SLURP1: variants seen among roughly 807,000 people sequenced by gnomAD.
SLURP1 encodes secreted Ly-6/uPAR-related protein 1.
In SLURP1, 2 loss-of-function variants were observed where a neutral mutation model predicts 7.9. That is an observed-to-expected ratio of 0.25 (90% confidence interval 0.10 to 0.79). SLURP1 has a LOEUF of 0.79. Among genes scored for constraint, SLURP1 ranks in the 30% least tolerant of loss-of-function variants. The probability of loss-of-function intolerance (pLI) is 0.69; values close to 1 mark genes in which losing one functional copy is unlikely to be tolerated. For synonymous variants in SLURP1, 59 were observed against 54.9 expected (o/e 1.07, Z -0.33); for missense variants, 111 against 139.8 (o/e 0.79, Z 1.04).
rs1310002773 is a variant in SLURP1 at position 142,742,346 on chromosome 8, C to A, written c.40G>T (p.Ala14Ser). 3 of 1,613,008 alleles carry A rather than the reference C, an allele frequency of 1.9e-6. No homozygotes were observed. The highest frequency in any genetic ancestry group is 2.2e-5 in the East Asian group (1 of 44,886). ...RWAVQLLLVAAWSMGCGEALK... is the reference protein window; with the variant it reads ...RWAVQLLLVASWSMGCGEALK... The stretch of plus-strand genomic sequence containing the variant: ...CACTCACCACAGCCCATGCTCCAGG[C>A]TGCCACGAGCAGCAGCTGCACAGCC... The change falls in exon 1 of 3, where the codon GCC becomes TCC. Residue 14 changes from alanine to serine, a missense_variant. Physicochemically the swap from Ala to Ser is moderately conservative, Grantham distance 99. Transcript: ENST00000246515.
chr8:142,741,300 A>G lies in SLURP1; in HGVS notation c.179-24T>C. 1 of 1,567,680 alleles carries G rather than the reference A, an allele frequency of 6.4e-7. No homozygotes were observed. The highest frequency in any genetic ancestry group is 1.1e-5 in the South Asian group (1 of 87,058). ...CTCTGCAGGGTGGGCCAGTGTCAGA[A>G]CCCTCACTCCCCTGCAGCGCCTGCC... On this transcript the variant is annotated intron_variant, in intron 2 of 2. Transcript: ENST00000246515. The surrounding 1 kb of genome is among the most constrained non-coding windows in gnomAD (Gnocchi z 4.3).
rs768062971 is a variant in SLURP1, at chr8:142,741,105, G to A, written c.*38C>T. ...TGGAGCCAGGCCCCGTCAGAGAGGA[G>A]GTGCCTGAGGAGCACCTTCCGCCCT... On this transcript the variant is annotated 3_prime_UTR_variant, in exon 3 of 3. Coordinates refer to ENST00000246515, the MANE Select transcript of SLURP1 (RefSeq NM_020427.3). The surrounding 1 kb of genome is among the most constrained non-coding windows in gnomAD (Gnocchi z 4.3). 20 of 1,599,586 alleles carry A rather than the reference G, an allele frequency of 1.3e-5. No individual in the cohort carries two copies. Among genetic ancestry groups the A allele is most frequent in the African/African-American group, 2.7e-5 (2 of 74,904 alleles).
intron 1 of SLURP1, among the ~76,000 whole-genome samples, 164 bp downstream of exon 1, chr8:142,742,164 G>A (rs587684847): frequency 3.9e-4 from 59 of 152,276 alleles, no homozygotes; most frequent in Admixed American, 6.5e-4. Flanking sequence ...CCAGGGTGAA[G>A]CTGGGCTCTG....
chr8:142,741,808 T>G lies in SLURP1; in HGVS notation c.173A>C (p.Glu58Ala). ...TACMTTLVTV[E>A]AEYPFNQSPV... ...GCCGTGGGGCCTGGCCTCACCTGCC[T>G]CCACCGTCACCAGCGTGGTCATGCA... Residue 58 changes from glutamate to alanine, a missense_variant, in exon 2 of 3, where the codon GAG (glutamate) becomes GCG (alanine). Physicochemically the swap from Glu to Ala is moderately radical, Grantham distance 107 (BLOSUM62 -1). Coordinates refer to ENST00000246515, the MANE Select transcript of SLURP1 (RefSeq NM_020427.3). The surrounding 1 kb of genome is among the most constrained non-coding windows in gnomAD (Gnocchi z 4.3). 6.2e-7 allele frequency: 1 copy of G among 1,611,914 alleles called. No individual in the cohort carries two copies. Among genetic ancestry groups the G allele is most frequent in the Non-Finnish European group, 8.5e-7 (1 of 1,179,966 alleles).
chr8:142,741,228 G>A lies in SLURP1; in HGVS notation c.227C>T (p.Ser76Phe), dbSNP rs1815862565. 6.2e-7 allele frequency: 1 copy of A among 1,610,112 alleles called. No homozygotes were observed. Among genetic ancestry groups the A allele is most frequent in the Non-Finnish European group, 8.5e-7 (1 of 1,179,756 alleles). The change falls in exon 3 of 3, where the codon TCC (serine) becomes TTC (phenylalanine). Residue 76 changes from serine to phenylalanine, a missense_variant. Coordinates refer to ENST00000246515, the MANE Select transcript of SLURP1 (RefSeq NM_020427.3). This position sits in a 1 kb window ranked among gnomAD's most constrained non-coding sequence, Gnocchi z 4.3. ...SPVVTRSCSS[S>F]CVATDPDSIG... ...GCTGTCGGGGTCGGTGGCCACACAG[G>A]AGCTGGAGCAGGAGCGGGTCACCAC... is the stretch of plus-strand genomic sequence containing the variant.
intron 1 of SLURP1, 112 bp downstream of exon 1, chr8:142,742,216 T>G: frequency 3.3e-6 from 4 of 1,208,002 alleles, no homozygotes; most frequent in Non-Finnish European, 4.8e-6. Flanking sequence ...GTGAGCCTCA[T>G]GGAGGCCTAA....
chr8:142,741,817 A>G lies in SLURP1; in HGVS notation c.164T>C (p.Val55Ala). ...PEDTACMTTLVTVEAEYPFNQ... is the reference protein window; with the variant it reads ...PEDTACMTTLATVEAEYPFNQ... ...CCTGGCCTCACCTGCCTCCACCGTC[A>G]CCAGCGTGGTCATGCAGGCTGTGTC... The change falls in exon 2 of 3, where the codon GTG (valine) becomes GCG (alanine). Residue 55 changes from valine (V) to alanine (A), a missense_variant. By Grantham distance (64) the Val-to-Ala change is moderately conservative. Transcript: ENST00000246515. The surrounding 1 kb of genome is among the most constrained non-coding windows in gnomAD (Gnocchi z 4.3). 1.2e-6 allele frequency: 2 copies of G among 1,612,468 alleles called. No homozygotes were observed. The highest frequency in any genetic ancestry group is 1.7e-6 in the Non-Finnish European group (2 of 1,179,986).
Position 142,741,826 on chromosome 8 carries a change from G to A in SLURP1, c.155C>T (p.Thr52Ile). 1 of 1,612,862 alleles carries A rather than the reference G, an allele frequency of 6.2e-7. No homozygotes were observed. Among genetic ancestry groups the A allele is most frequent in the Non-Finnish European group, 8.5e-7 (1 of 1,180,002 alleles). The stretch of plus-strand genomic sequence containing the variant: ...ACCTGCCTCCACCGTCACCAGCGTG[G>A]TCATGCAGGCTGTGTCCTCTGGCTT... ...RCKPEDTACMTTLVTVEAEYP... is the reference protein window; with the variant it reads ...RCKPEDTACMITLVTVEAEYP... Residue 52 changes from threonine to isoleucine, a missense_variant, in exon 2 of 3, where the codon ACC (threonine) becomes ATC (isoleucine). Thr to Ile is a moderately conservative substitution (Grantham distance 89, BLOSUM62 -1). Transcript: ENST00000246515. This position sits in a 1 kb window ranked among gnomAD's most constrained non-coding sequence, Gnocchi z 4.3.
rs1415913110 is a variant in SLURP1, at chr8:142,740,950, C to G, written c.*193G>C. On this transcript the variant is annotated 3_prime_UTR_variant, in exon 3 of 3. Transcript: ENST00000246515. ...AGGAAGGACAAAAGTCATGTCCACTCTTGGCTTAGTTATGTTTTATAAGCG... is the reference window on the plus strand; with the variant it reads ...AGGAAGGACAAAAGTCATGTCCACTGTTGGCTTAGTTATGTTTTATAAGCG... The G allele has an allele frequency of 6.5e-6, 5 of 770,522 alleles. No individual in the cohort carries two copies. Among genetic ancestry groups the G allele is most frequent in the Non-Finnish European group, 1.1e-5 (5 of 474,160 alleles). The allele number at this position is 770,522 out of a possible 1,614,324, so 47.7% of individuals were successfully genotyped here.
rs374386382 is a variant in SLURP1 at position 142,741,697 on chromosome 8, C to T, written c.178+106G>A. The T allele has an allele frequency of 7.3e-5, 114 of 1,568,770 alleles. 1 individual carries two copies. The African/African-American group carries it at 1.3e-3, about 18-fold the overall frequency. On this transcript the variant is annotated intron_variant, in intron 2 of 2. Coordinates refer to ENST00000246515, the MANE Select transcript of SLURP1 (RefSeq NM_020427.3). This position sits in a 1 kb window ranked among gnomAD's most constrained non-coding sequence, Gnocchi z 4.3. Reference sequence around the variant, plus strand: ...GTGGCAGCCTGTTCTGCCCATCCCACCTGCTGCCTTTTGGGCCGGGAGGAG... The same window carrying T: ...GTGGCAGCCTGTTCTGCCCATCCCATCTGCTGCCTTTTGGGCCGGGAGGAG...
chr8:142,742,305 C>T (rs1563826097), intron 1 of SLURP1, 23 bp downstream of exon 1: 1 of 1,612,022 alleles, frequency 6.2e-7, no homozygotes, highest in Non-Finnish European at 8.5e-7. Flanking sequence ...GGCAGGGTCC[C>T]CACCAGCCTG....
chr8:142,741,366 C>G lies in SLURP1; in HGVS notation c.179-90G>C. On this transcript the variant is annotated intron_variant, in intron 2 of 2. Coordinates refer to ENST00000246515, the MANE Select transcript of SLURP1 (RefSeq NM_020427.3). The surrounding 1 kb of genome is among the most constrained non-coding windows in gnomAD (Gnocchi z 4.3). Reference sequence around the variant, plus strand: ...CCCAGCCGCCGTCGCCTGACCTCACCCTCCCTGTGATCCCTGTTCCCAATA... The same window carrying G: ...CCCAGCCGCCGTCGCCTGACCTCACGCTCCCTGTGATCCCTGTTCCCAATA... 1 of 1,484,274 alleles carries G rather than the reference C, an allele frequency of 6.7e-7. No individual in the cohort carries two copies. Among genetic ancestry groups the G allele is most frequent in the East Asian group, 2.5e-5 (1 of 40,428 alleles). 91.9% of individuals were successfully genotyped at this position (1,484,274 alleles called of 1,614,324 possible). A position where few individuals can be genotyped will look rare whatever the true frequency, so the allele number is the denominator to read the frequency against.
rs1815876276 is a variant in SLURP1, at chr8:142,741,836, CTG to C, written c.143_144del (p.Thr48SerfsTer97). ...RTITRCKPED[T>X]ACMTTLVTVE... ...ACCGTCACCAGCGTGGTCATGCAGG[CTG>C]TGTCCTCTGGCTTGCAGCGGGTAAT... On this transcript the variant is annotated frameshift_variant, in exon 2 of 3. Coordinates refer to ENST00000246515, the MANE Select transcript of SLURP1 (RefSeq NM_020427.3). LOFTEE classifies it low-confidence loss of function (END_TRUNC). This position sits in a 1 kb window ranked among gnomAD's most constrained non-coding sequence, Gnocchi z 4.3. The C allele has an allele frequency of 6.2e-7, 1 of 1,613,110 alleles. No homozygotes were observed. Among genetic ancestry groups the C allele is most frequent in the African/African-American group, 1.3e-5 (1 of 75,048 alleles).
rs979410449 is a variant in SLURP1, at chr8:142,741,857, G to A, written c.124C>T (p.Arg42Cys). ...CAGGCTGTGTCCTCTGGCTTGCAGC[G>A]GGTAATGGTCCTGCAGGAAGCACTG... ...MTSASCRTIT[R>C]CKPEDTACMT... Residue 42 changes from arginine (R) to cysteine (C), a missense_variant, in exon 2 of 3, where the codon CGC (arginine) becomes TGC (cysteine). Arg to Cys is a radical substitution (Grantham distance 180). Transcript: ENST00000246515. The surrounding 1 kb of genome is among the most constrained non-coding windows in gnomAD (Gnocchi z 4.3). 9 of 1,613,274 alleles carry A rather than the reference G, an allele frequency of 5.6e-6. No homozygotes were observed. The highest frequency in any genetic ancestry group is 1.7e-5 in the Admixed American group (1 of 60,028).
Position 142,741,348 on chromosome 8 carries a change from G to A in SLURP1, c.179-72C>T, listed in dbSNP as rs587647051. ...GCCTGCTGCTGCACTGCTCCCAGCC[G>A]CCGTCGCCTGACCTCACCCTCCCTG... On this transcript the variant is annotated intron_variant, in intron 2 of 2. Coordinates refer to ENST00000246515, the MANE Select transcript of SLURP1 (RefSeq NM_020427.3). The surrounding 1 kb of genome is among the most constrained non-coding windows in gnomAD (Gnocchi z 4.3). 2.7e-5 allele frequency: 40 copies of A among 1,509,348 alleles called. No individual in the cohort carries two copies. The highest frequency in any genetic ancestry group is 2.2e-4 in the Admixed American group (11 of 49,664). 93.5% of individuals were successfully genotyped at this position (1,509,348 alleles called of 1,614,324 possible).
rs746231874 is a variant in SLURP1, at chr8:142,741,859, G to A, written c.122C>T (p.Thr41Ile). ...GGCTGTGTCCTCTGGCTTGCAGCGG[G>A]TAATGGTCCTGCAGGAAGCACTGGT... ...PMTSASCRTI[T>I]RCKPEDTACM... The change falls in exon 2 of 3, where the codon ACC becomes ATC. Residue 41 changes from threonine (T) to isoleucine (I), a missense_variant. By Grantham distance (89) the Thr-to-Ile change is moderately conservative. Transcript: ENST00000246515. This position sits in a 1 kb window ranked among gnomAD's most constrained non-coding sequence, Gnocchi z 4.3. The A allele has an allele frequency of 6.2e-7, 1 of 1,613,294 alleles. No individual in the cohort carries two copies. Among genetic ancestry groups the A allele is most frequent in the Non-Finnish European group, 8.5e-7 (1 of 1,179,992 alleles).
At position 142,741,736 on chromosome 8, in the gene SLURP1, G is replaced by A. The variant is rs1815871738; in HGVS notation, c.178+67C>T. 1 of 1,599,190 alleles carries A rather than the reference G, an allele frequency of 6.3e-7. No individual in the cohort carries two copies. Among genetic ancestry groups the A allele is most frequent in the Admixed American group, 1.7e-5 (1 of 59,924 alleles). ...GGCCGGGAGGAGCACCAGCAAAGGA[G>A]GGAGGCACTTGGGGGAGGTGGCCCT... On this transcript the variant is annotated intron_variant, in intron 2 of 2. Transcript: ENST00000246515. This position sits in a 1 kb window ranked among gnomAD's most constrained non-coding sequence, Gnocchi z 4.3.
Position 142,740,953 on chromosome 8 carries a change from G to C in SLURP1, c.*190C>G, listed in dbSNP as rs1187347250. ...AAGGACAAAAGTCATGTCCACTCTT[G>C]GCTTAGTTATGTTTTATAAGCGTGG... On this transcript the variant is annotated 3_prime_UTR_variant, in exon 3 of 3. Transcript: ENST00000246515. The C allele has an allele frequency of 1.3e-6, 1 of 775,132 alleles. No individual in the cohort carries two copies. The highest frequency in any genetic ancestry group is 2.1e-6 in the Non-Finnish European group (1 of 477,594). The allele number at this position is 775,132 out of a possible 1,614,324, so 48.0% of individuals were successfully genotyped here.
At chr8:142,742,138 A>G (rs1815881425) in intron 1 of SLURP1, among the ~76,000 whole-genome samples, 190 bp downstream of exon 1, 1 of 152,150 alleles carries the variant, frequency 6.6e-6, no homozygotes, top group Admixed American at 6.5e-5. Flanking sequence ...TGCAGAGTGG[A>G]GCCGTGACCC....
Sources: allele counts gnomAD v4.1 joint callset (sites outside exome capture counted in the v4.1 genomes callset), GRCh38; gene constraint gnomAD v4.1.1; non-coding constraint Gnocchi (gnomAD v3.1); transcripts MANE v1.5; gene names NCBI Gene and HGNC (gene_info 2026-07-23, HGNC 2026-07-21).